ADGRB3: variants seen among roughly 807,000 people sequenced by gnomAD.
ADGRB3 encodes the protein adhesion G protein-coupled receptor B3.
ADGRB3 carries 37 observed loss-of-function variants against 193.4 expected under a neutral mutation model. The ratio of observed to expected loss-of-function variants is 0.19; its 90% confidence interval spans 0.15 to 0.25. The LOEUF is 0.25. Ranked by LOEUF, ADGRB3 falls within the 10% of genes least tolerant of loss-of-function variation. ADGRB3 has a pLI of 1.00. For missense variants in ADGRB3, 1,637 were observed against 1,852.9 expected, an observed-to-expected ratio of 0.88 and a Z score of 2.14; for synonymous variants, 690 against 644.2, an observed-to-expected ratio of 1.07 and a Z score of -1.08.
At position 68,727,883 on chromosome 6, in the gene ADGRB3, A is replaced by G. The variant is rs79711439; in HGVS notation, c.757+88451A>G. On this transcript the variant is annotated intron_variant, in intron 3 of 31. Transcript: ENST00000370598. ...TCGTTCTCATCCTCAATCAGCTGAC[A>G]TAAAACAATTCTTTGGAGTCCAATT... is the stretch of plus-strand genomic sequence containing the variant. Among the ~76,000 whole-genome samples the G allele has an allele frequency of 7.4e-3, 1,126 of 151,726 alleles. 7 individuals are homozygous for G. The highest frequency in any genetic ancestry group is 0.023 in the African/African-American group (966 of 41,486).
intron 3 of ADGRB3, among the ~76,000 whole-genome samples, chr6:68,849,792 A>G (rs1332696149): frequency 2.0e-5 from 3 of 151,998 alleles, no homozygotes; most frequent in Non-Finnish European, 1.5e-5. Context: ...GAAATAATTT[A>G]TAATAGGGGA....
intron 3 of ADGRB3, among the ~76,000 whole-genome samples, chr6:68,657,689 A>G (rs1768523725): frequency 6.6e-6 from 1 of 151,380 alleles, no homozygotes; most frequent in Non-Finnish European, 1.5e-5. Flanking sequence ...GTTTTATCAA[A>G]CCTTAGACTT....
At chr6:69,079,902 G>A (rs1018322672) in intron 17 of ADGRB3, among the ~76,000 whole-genome samples, 2 of 151,968 alleles carry the variant, frequency 1.3e-5, no homozygotes, top group African/African-American at 4.8e-5. Context: ...TACCTATCTT[G>A]TTGTTGAAAA....
intron 17 of ADGRB3, among the ~76,000 whole-genome samples, chr6:69,105,289 C>T (rs992562066): frequency 6.6e-6 from 1 of 152,186 alleles, no homozygotes; most frequent in African/African-American, 2.4e-5. Flanking sequence ...TTCCAGGGAT[C>T]TAATGAAGAC....
intron 17 of ADGRB3, among the ~76,000 whole-genome samples, chr6:69,170,356 T>C (rs1775239740): frequency 6.6e-6 from 1 of 152,214 alleles, no homozygotes; most frequent in African/African-American, 2.4e-5. Context: ...TTCTTTTTCT[T>C]TACGGCACTC....
intron 17 of ADGRB3, among the ~76,000 whole-genome samples, chr6:69,110,136 T>C (rs1408777166): frequency 6.6e-6 from 1 of 151,932 alleles, no homozygotes; most frequent in Non-Finnish European, 1.5e-5. Context: ...TTAGTAGAGA[T>C]GGGGTTTTAC....
intron 19 of ADGRB3, among the ~76,000 whole-genome samples, chr6:69,238,066 G>A (rs1766307227): frequency 6.6e-6 from 1 of 151,998 alleles, no homozygotes; most frequent in Non-Finnish European, 1.5e-5. Flanking sequence ...AAACGTGGGG[G>A]TTCTACCTTG....
In ADGRB3 at chr6:68,981,845, GTTATTTATTTAT is replaced by G. The variant is rs3043275; in HGVS notation, c.1734+6544_1734+6555del. Among the ~76,000 whole-genome samples, 253 of 139,724 alleles carry G rather than the reference GTTATTTATTTAT, an allele frequency of 1.8e-3. 5 individuals carry two copies. Among genetic ancestry groups the G allele is most frequent in the African/African-American group, 4.8e-3 (182 of 38,306 alleles). The allele number at this position is 139,724 out of a possible 152,430, so 91.7% of individuals were successfully genotyped here. On this transcript the variant is annotated intron_variant, in intron 10 of 31. Coordinates refer to ENST00000370598, the MANE Select transcript of ADGRB3 (RefSeq NM_001704.3). Reference sequence around the variant, plus strand: ...CCAAAGAATGGACAATACCTATTTTGTTATTTATTTATTTATTTATTTATTTATTTATTTATT... The same window carrying G: ...CCAAAGAATGGACAATACCTATTTTGTTATTTATTTATTTATTTATTTATT...
chr6:69,100,922 GAAGGAGGGAGGGAGGGAAGGAAGGA>G (rs1773029895), intron 17 of ADGRB3, among the ~76,000 whole-genome samples: 1 of 49,038 alleles, frequency 2.0e-5, no homozygotes. Flanking sequence ...GGGAAGGAAG[GAAGGAGGGAGGGAGGGAAGGAAGGA>G]AAGGAGGGAG....
intron 17 of ADGRB3, among the ~76,000 whole-genome samples, chr6:69,154,962 A>T (rs1774790937): frequency 6.6e-6 from 1 of 152,256 alleles, no homozygotes; most frequent in Admixed American, 6.5e-5. Context: ...TAAAAGTTTT[A>T]AAATTGCTCT....
At chr6:68,684,819 T>C (rs1764953592) in intron 3 of ADGRB3, among the ~76,000 whole-genome samples, 1 of 152,126 alleles carries the variant, frequency 6.6e-6, no homozygotes, top group African/African-American at 2.4e-5. Flanking sequence ...TACTAGTCAC[T>C]CAAATCACCA....
rs1294206792 is a variant in ADGRB3 at position 69,048,207 on chromosome 6, T to C, written c.2130T>C (p.Pro710=). ...GNVVASIQKL[P]AASVLTDINF... ...TAGTGGCTAGTATTCAGAAGCTTCC[T>C]GCAGCCTCTGTTCTAACAGACATCA... Residue 710 remains proline (P), a synonymous_variant, in exon 14 of 32, where the codon CCT becomes CCC. Coordinates refer to ENST00000370598, the MANE Select transcript of ADGRB3 (RefSeq NM_001704.3). The C allele has an allele frequency of 6.2e-7, 1 of 1,612,484 alleles. No individual in the cohort carries two copies. Among genetic ancestry groups the C allele is most frequent in the African/African-American group, 1.3e-5 (1 of 74,972 alleles).
At chr6:69,348,493 CAAAAAAAAAAAAAA>C (rs5877205) in intron 26 of ADGRB3, among the ~76,000 whole-genome samples, 1 of 114,860 alleles carries the variant, frequency 8.7e-6, no homozygotes. Flanking sequence ...CTAAAAAATG[CAAAAAAAAAAAAAA>C]AAAAAATTAG....
chr6:68,845,479 G>A (rs1450916055), intron 3 of ADGRB3, among the ~76,000 whole-genome samples: 2 of 152,058 alleles, frequency 1.3e-5, no homozygotes, highest in African/African-American at 4.8e-5. Context: ...ATATGGTTTG[G>A]CTGTGTCCCC....
intron 3 of ADGRB3, among the ~76,000 whole-genome samples, chr6:68,901,592 T>G (rs1766395056): frequency 1.3e-5 from 2 of 152,186 alleles, no homozygotes; most frequent in Admixed American, 1.3e-4. Flanking sequence ...ATTTTAACAA[T>G]TAAAATATTT....
chr6:69,147,744 G>T (rs1205775659), intron 17 of ADGRB3, among the ~76,000 whole-genome samples: 1 of 152,080 alleles, frequency 6.6e-6, no homozygotes, highest in Non-Finnish European at 1.5e-5. Flanking sequence ...ATTGGGTATT[G>T]AAGTCTTCAG....
At chr6:68,863,520 CT>C (rs1414029180) in intron 3 of ADGRB3, among the ~76,000 whole-genome samples, 2 of 151,908 alleles carry the variant, frequency 1.3e-5, no homozygotes, top group Non-Finnish European at 2.9e-5. Flanking sequence ...AATCATACTT[CT>C]TGATATTCAA....
At chr6:68,762,375 G>A (rs997249712) in intron 3 of ADGRB3, among the ~76,000 whole-genome samples, 37 of 152,044 alleles carry the variant, frequency 2.4e-4, no homozygotes, top group Non-Finnish European at 2.6e-4. Context: ...GTAACGATGA[G>A]CAATTTGATT....
chr6:69,127,912 T>G (rs920759880), intron 17 of ADGRB3, among the ~76,000 whole-genome samples: 4 of 139,270 alleles, frequency 2.9e-5, no homozygotes, highest in Admixed American at 2.2e-4. Context: ...TTTTGTTTTT[T>G]TTTTCTGGCA....
Sources: allele counts gnomAD v4.1 joint callset (sites outside exome capture counted in the v4.1 genomes callset), GRCh38; gene constraint gnomAD v4.1.1; transcripts MANE v1.5; gene names NCBI Gene and HGNC (gene_info 2026-07-23, HGNC 2026-07-21).